MLLT10: variants seen among roughly 807,000 people sequenced by gnomAD.
MLLT10 encodes protein AF-10.
A neutral mutation model predicts 129.1 loss-of-function variants in MLLT10; 30 were observed. The ratio of observed to expected loss-of-function variants is 0.23; its 90% CI spans 0.17 to 0.32. The LOEUF (loss-of-function observed/expected upper bound fraction) is 0.32. Among genes scored for constraint, MLLT10 ranks in the 10% least tolerant of loss-of-function variants. The probability of loss-of-function intolerance (pLI) is 1.00; values close to 1 mark genes in which losing one functional copy is unlikely to be tolerated. For synonymous variants in MLLT10, 490 were observed against 446.4 expected (o/e 1.10, Z -1.23); for missense variants, 1,119 against 1,268.3 (o/e 0.88, Z 1.79).
At chr10:21,602,347 AATTT>A (rs1473783649) in intron 5 of MLLT10, among the ~76,000 whole-genome samples, 3 of 151,130 alleles carry the variant, frequency 2.0e-5, no homozygotes, top group Non-Finnish European at 4.4e-5. Context: ...TTATAGGTCA[AATTT>A]ATTTATTTTT....
intron 3 of MLLT10, among the ~76,000 whole-genome samples, chr10:21,585,182 C>G (rs2041881747): frequency 6.6e-6 from 1 of 152,056 alleles, no homozygotes; most frequent in Non-Finnish European, 1.5e-5. Context: ...CCTCAGCCTC[C>G]CAAAGTGCTG....
At chr10:21,571,783 GTT>G (rs926016107) in intron 3 of MLLT10, among the ~76,000 whole-genome samples, 5 of 152,026 alleles carry the variant, frequency 3.3e-5, no homozygotes, top group Non-Finnish European at 5.9e-5. Context: ...GCTATTCTTT[GTT>G]TTCTTTTTTC....
At chr10:21,715,869 T>A (rs2056511595) in intron 14 of MLLT10, among the ~76,000 whole-genome samples, 1 of 152,260 alleles carries the variant, frequency 6.6e-6, no homozygotes, top group Non-Finnish European at 1.5e-5. Flanking sequence ...ATGGGTCTCT[T>A]ACAAATGTGA....
intron 3 of MLLT10, among the ~76,000 whole-genome samples, chr10:21,573,424 A>G (rs1212779863): frequency 2.0e-5 from 3 of 152,230 alleles, no homozygotes; most frequent in Non-Finnish European, 4.4e-5. Flanking sequence ...TGGAGAATAC[A>G]CAGCTGAGTA....
rs1001288640 is a variant in MLLT10, at chr10:21,742,334, T to C, written c.*351T>C. Reference sequence around the variant, plus strand: ...TTTGTTTATAAATTGGAGATGCAAATAGCAAAACTAAATACTTGCTCCATT... The same window carrying C: ...TTTGTTTATAAATTGGAGATGCAAACAGCAAAACTAAATACTTGCTCCATT... On this transcript the variant is annotated 3_prime_UTR_variant, in exon 23 of 23. Transcript: ENST00000307729. 7.8e-6 allele frequency: 2 copies of C among 256,650 alleles called. No individual in the cohort carries two copies. The highest frequency in any genetic ancestry group is 1.6e-4 in the South Asian group (1 of 6,102). 15.9% of individuals were successfully genotyped at this position (256,650 alleles called of 1,614,324 possible). A position where few individuals can be genotyped will look rare whatever the true frequency, so the allele number is the denominator to read the frequency against.
At chr10:21,692,267 T>C (rs1248277833) in intron 13 of MLLT10, among the ~76,000 whole-genome samples, 1 of 152,010 alleles carries the variant, frequency 6.6e-6, no homozygotes. Flanking sequence ...CAGAGATATT[T>C]ATCATAGCAA....
At chr10:21,702,072 G>A (rs772786277) in intron 13 of MLLT10, among the ~76,000 whole-genome samples, 4 of 151,758 alleles carry the variant, frequency 2.6e-5, no homozygotes, top group South Asian at 2.1e-4. Flanking sequence ...GACTACAGGC[G>A]CCCACCACCA....
chr10:21,547,953 A>AT (rs2036379683), intron 3 of MLLT10, among the ~76,000 whole-genome samples: 3 of 151,612 alleles, frequency 2.0e-5, no homozygotes, highest in Admixed American at 2.0e-4. Context: ...TTGTGGGTTC[A>AT]TTTTTTTTAC....
At chr10:21,628,832 TGCTCCCAA>T (rs2046732634) in intron 8 of MLLT10, among the ~76,000 whole-genome samples, 1 of 149,978 alleles carries the variant, frequency 6.7e-6, no homozygotes, top group Non-Finnish European at 1.5e-5. Context: ...CTGTAACCTC[TGCTCCCAA>T]GTTCACAAGT....
chr10:21,681,413 T>G (rs777129153), intron 12 of MLLT10, 37 bp downstream of exon 12: 4 of 1,452,060 alleles, frequency 2.8e-6, no homozygotes, highest in Non-Finnish European at 3.9e-6. Flanking sequence ...CCGGGCCTTT[T>G]GTCTCCTCTA....
intron 19 of MLLT10, 53 bp from the exon 20 acceptor site, chr10:21,733,715 T>TA: frequency 6.5e-7 from 1 of 1,545,918 alleles, no homozygotes; most frequent in East Asian, 2.3e-5. Context: ...TCTTCTTTCT[T>TA]ACGCTGGGAC....
At chr10:21,726,564 A>G (rs2057525671) in intron 15 of MLLT10, among the ~76,000 whole-genome samples, 2 of 152,028 alleles carry the variant, frequency 1.3e-5, no homozygotes, top group Admixed American at 6.6e-5. Flanking sequence ...CATTACATTC[A>G]TATATCATAA....
chr10:21,593,995 C>T (rs1255576728), intron 4 of MLLT10, among the ~76,000 whole-genome samples: 2 of 111,064 alleles, frequency 1.8e-5, no homozygotes, highest in Non-Finnish European at 3.5e-5. Context: ...ATACTGTTTT[C>T]TTTTAGAGAG....
At chr10:21,693,864 A>G (rs2054114560) in intron 13 of MLLT10, among the ~76,000 whole-genome samples, 1 of 152,108 alleles carries the variant, frequency 6.6e-6, no homozygotes, top group Non-Finnish European at 1.5e-5. Flanking sequence ...TTCACTAATC[A>G]TCTCTTTAGC....
chr10:21,697,124 AGG>A (rs1274689268), intron 13 of MLLT10, among the ~76,000 whole-genome samples: 5 of 135,364 alleles, frequency 3.7e-5, no homozygotes, highest in South Asian at 2.5e-4. Context: ...AAAAAAAAAG[AGG>A]GAGAATTTAT....
intron 13 of MLLT10, among the ~76,000 whole-genome samples, chr10:21,688,171 A>G (rs2053489003): frequency 6.6e-6 from 1 of 152,122 alleles, no homozygotes; most frequent in Non-Finnish European, 1.5e-5. Flanking sequence ...TTATAATGGA[A>G]AATGAATCTA....
chr10:21,708,447 C>A, intron 13 of MLLT10: 1 of 429,936 alleles, frequency 2.3e-6, no homozygotes, highest in Non-Finnish European at 3.1e-6. Flanking sequence ...TTGTACCAGT[C>A]CTACCTGAGG....
intron 13 of MLLT10, among the ~76,000 whole-genome samples, chr10:21,702,260 T>A (rs1426516586): frequency 6.6e-6 from 1 of 152,192 alleles, no homozygotes; most frequent in East Asian, 1.9e-4. Flanking sequence ...TATAGTTTCC[T>A]AAGTTCCTCT....
At chr10:21,717,888 TCTCCTCCTCCTC>T (rs1197942786) in intron 14 of MLLT10, among the ~76,000 whole-genome samples, 5 of 76,006 alleles carry the variant, frequency 6.6e-5, no homozygotes, top group Admixed American at 1.2e-4. Flanking sequence ...TCCTCCTCCT[TCTCCTCCTCCTC>T]CTCCTCCTCC....
Sources: gnomAD v4.1 joint callset for allele counts (sites outside exome capture counted in the v4.1 genomes callset) on GRCh38, gnomAD v4.1.1 for gene constraint, MANE v1.5 for transcripts, NCBI Gene and HGNC (gene_info 2026-07-23, HGNC 2026-07-21) for gene names.